The following DMRT3 variants were observed in gnomAD, a reference collection of about 807,000 sequenced individuals.
DMRT3 encodes doublesex- and mab-3-related transcription factor 3.
In DMRT3, 29 loss-of-function variants were observed where a neutral mutation model predicts 34.9. The observed-to-expected ratio is 0.83, with a 90% confidence interval of 0.62 to 1.13. The LOEUF (loss-of-function observed/expected upper bound fraction) is 1.13. DMRT3 is among the 50% of genes most tolerant of loss of function. The pLI is 0.00. For synonymous variants in DMRT3, 350 were observed against 286.0 expected, an observed-to-expected ratio of 1.22 and a Z score of -2.26; for missense variants, 772 against 629.1, an observed-to-expected ratio of 1.23 and a Z score of -2.43.
Position 990,383 on chromosome 9 carries a change from TGCTTGA to T in DMRT3, c.801_806del (p.Glu268_Leu269del). ...ATATTCCCCAACCAGAAGCCAACGG[TGCTTGA>T]GCTCATCCTCAAGGGCTGTGGCGGG... On this transcript the variant is annotated inframe_deletion, in exon 2 of 2. Transcript: ENST00000190165. 6.2e-7 allele frequency: 1 copy of T among 1,613,988 alleles called. No individual in the cohort carries two copies. Among genetic ancestry groups the T allele is most frequent in the Non-Finnish European group, 8.5e-7 (1 of 1,180,012 alleles).
At chr9:981,536 C>T (rs1315061081) in intron 1 of DMRT3, among the ~76,000 whole-genome samples, 1 of 152,204 alleles carries the variant, frequency 6.6e-6, no homozygotes, top group South Asian at 2.1e-4. Flanking sequence ...CGCATACAGG[C>T]ACTAAGGTCT....
chr9:986,859 C>A (rs1363442667), intron 1 of DMRT3, among the ~76,000 whole-genome samples: 1 of 148,784 alleles, frequency 6.7e-6, no homozygotes, highest in Non-Finnish European at 1.5e-5. Context: ...CCACTGCACT[C>A]CAGCCTGGGT....
Position 977,557 on chromosome 9 carries a change from G to A in DMRT3, c.454+102G>A, listed in dbSNP as rs1180981353. ...AGGACTGGAGGCAAAGTTTTGGGAC[G>A]TGGGCCTGTCGGGGCTTTCCTTCCT... On this transcript the variant is annotated intron_variant, in intron 1 of 1. Transcript: ENST00000190165. The A allele has an allele frequency of 4.7e-6, 5 of 1,066,502 alleles. 1 individual carries two copies. The highest frequency in any genetic ancestry group is 5.8e-6 in the Non-Finnish European group (5 of 862,206). The allele number at this position is 1,066,502 out of a possible 1,614,324, so 66.1% of individuals were successfully genotyped here.
At chr9:979,740 G>A (rs984223561) in intron 1 of DMRT3, among the ~76,000 whole-genome samples, 3 of 152,158 alleles carry the variant, frequency 2.0e-5, no homozygotes, top group African/African-American at 7.2e-5. Flanking sequence ...AGTCTATTTG[G>A]GGTTTAAGCT....
At chr9:988,323 G>A (rs1193169455) in intron 1 of DMRT3, among the ~76,000 whole-genome samples, 1 of 152,212 alleles carries the variant, frequency 6.6e-6, no homozygotes, top group African/African-American at 2.4e-5. Flanking sequence ...GATGTATGTT[G>A]ACACTTGCAC....
rs202056543 is a variant in DMRT3 at position 990,464 on chromosome 9, C to T, written c.878C>T (p.Thr293Met). The T allele has an allele frequency of 5.4e-5, 87 of 1,614,174 alleles. No homozygotes were observed. The Middle Eastern group carries it at 6.6e-4, about 12-fold the overall frequency. ...EVLLSSRSSV[T>M]GAERTSAEPE... ...CTTCTGTCCAGCCGATCCTCAGTCA[C>T]GGGAGCAGAGCGAACTTCCGCAGAA... is the stretch of plus-strand genomic sequence containing the variant. Residue 293 changes from threonine (T) to methionine (M), a missense_variant, in exon 2 of 2, where the codon ACG (threonine) becomes ATG (methionine). Thr to Met is a moderately conservative substitution (Grantham distance 81, BLOSUM62 -1). Coordinates refer to ENST00000190165, the MANE Select transcript of DMRT3 (RefSeq NM_021240.4).
chr9:989,551 T>G (rs1820326711), intron 1 of DMRT3, among the ~76,000 whole-genome samples: 1 of 152,228 alleles, frequency 6.6e-6, no homozygotes, highest in African/African-American at 2.4e-5. Flanking sequence ...AATCAGCCTA[T>G]GGGAAAATAG....
Position 977,075 on chromosome 9 carries a change from G to C in DMRT3, c.74G>C (p.Arg25Pro). 1.9e-6 allele frequency: 3 copies of C among 1,590,396 alleles called. No homozygotes were observed. The highest frequency in any genetic ancestry group is 1.7e-6 in the Non-Finnish European group (2 of 1,169,582). Residue 25 changes from arginine (R) to proline (P), a missense_variant, in exon 1 of 2, where the codon CGC becomes CCC. Arg to Pro is a moderately radical substitution (Grantham distance 103). Coordinates refer to ENST00000190165, the MANE Select transcript of DMRT3 (RefSeq NM_021240.4). ...CAGCCGCCACGGGCGCCCCTGCAGC[G>C]CACGCCCAAGTGCGCGCGCTGCCGC... ...VSQPPRAPLQ[R>P]TPKCARCRNH...
rs552949507 is a variant in DMRT3 at position 984,443 on chromosome 9, C to T, written c.455-5598C>T. Among the ~76,000 whole-genome samples the T allele has an allele frequency of 1.3e-4, 20 of 149,300 alleles. No individual in the cohort carries two copies. In the South Asian group the frequency reaches 4.2e-3, roughly 32 times the overall value. ...TGGATATAACCTATGACATCTAAGT[C>T]AGAAAGATTTTTCACATTTTTTTTT... On this transcript the variant is annotated intron_variant, in intron 1 of 1. Transcript: ENST00000190165.
At chr9:985,980 G>A (rs1288478585) in intron 1 of DMRT3, among the ~76,000 whole-genome samples, 1 of 152,210 alleles carries the variant, frequency 6.6e-6, no homozygotes, top group East Asian at 1.9e-4. Context: ...CTGTGACATT[G>A]TGTTAGCTTT....
intron 1 of DMRT3, among the ~76,000 whole-genome samples, chr9:979,132 G>A (rs1304828135): frequency 6.6e-6 from 1 of 152,132 alleles, no homozygotes; most frequent in Non-Finnish European, 1.5e-5. Context: ...CGGGCATTGG[G>A]TTCTGTGGTT....
chr9:990,477 A>G lies in DMRT3; in HGVS notation c.891A>G (p.Arg297=). The G allele has an allele frequency of 6.2e-7, 1 of 1,614,198 alleles. No homozygotes were observed. The highest frequency in any genetic ancestry group is 1.7e-5 in the Admixed American group (1 of 60,032). ...GATCCTCAGTCACGGGAGCAGAGCG[A>G]ACTTCCGCAGAACCTGAGAGTCTAG... is the stretch of plus-strand genomic sequence containing the variant. The part of the protein sequence containing the change: ...SSRSSVTGAE[R]TSAEPESLAL... The change falls in exon 2 of 2, where the codon CGA becomes CGG. Residue 297 remains arginine (R), a synonymous_variant. Coordinates refer to ENST00000190165, the MANE Select transcript of DMRT3 (RefSeq NM_021240.4).
chr9:979,873 T>G (rs946807949), intron 1 of DMRT3, among the ~76,000 whole-genome samples: 6 of 152,228 alleles, frequency 3.9e-5, no homozygotes, highest in Admixed American at 3.9e-4. Context: ...GAACTACTCC[T>G]GAATAAGTGC....
intron 1 of DMRT3, among the ~76,000 whole-genome samples, chr9:982,993 A>G (rs530147312): frequency 2.0e-5 from 3 of 152,302 alleles, no homozygotes; most frequent in South Asian, 2.1e-4. Flanking sequence ...GTGATAGGAC[A>G]GCTGGTCCTC....
intron 1 of DMRT3, among the ~76,000 whole-genome samples, chr9:981,739 C>A (rs1421582073): frequency 6.6e-6 from 1 of 152,188 alleles, no homozygotes; most frequent in Non-Finnish European, 1.5e-5. Flanking sequence ...TAGGGGGCAG[C>A]GGCTCCTTGC....
chr9:982,008 CCTT>C (rs1221810443), intron 1 of DMRT3, among the ~76,000 whole-genome samples: 3 of 152,158 alleles, frequency 2.0e-5, no homozygotes, highest in Non-Finnish European at 4.4e-5. Context: ...TGAGTTGACA[CCTT>C]CTGCAAAAAT....
chr9:981,652 T>C (rs926900207), intron 1 of DMRT3, among the ~76,000 whole-genome samples: 1 of 152,058 alleles, frequency 6.6e-6, no homozygotes, highest in Admixed American at 6.5e-5. Context: ...AGTTGCTGTG[T>C]GTGTGTTGCG....
chr9:980,350 TG>T (rs376811831), intron 1 of DMRT3, among the ~76,000 whole-genome samples: 14 of 152,136 alleles, frequency 9.2e-5, no homozygotes, highest in African/African-American at 3.4e-4. Flanking sequence ...CAATGTGTGG[TG>T]TTTTTAAGGA....
At chr9:989,957 G>T in intron 1 of DMRT3, 84 bp from the exon 2 acceptor site, 3 of 1,526,724 alleles carry the variant, frequency 2.0e-6, no homozygotes, top group Non-Finnish European at 2.6e-6. Context: ...CTTCCAAAAA[G>T]CACGTGTACA....
Sources: allele counts gnomAD v4.1 joint callset (sites outside exome capture counted in the v4.1 genomes callset), GRCh38; gene constraint gnomAD v4.1.1; transcripts MANE v1.5; gene names NCBI Gene and HGNC (gene_info 2026-07-23, HGNC 2026-07-21).